The following LRBA variants were observed in gnomAD, a reference collection of about 807,000 sequenced individuals.
LRBA encodes LPS responsive beige-like anchor protein.
LRBA carries 176 observed loss-of-function variants against 330.0 expected under a neutral mutation model. The observed-to-expected ratio is 0.53, with a 90% CI of 0.47 to 0.60. LRBA has a LOEUF of 0.60. LRBA is among the 20% of genes least tolerant of loss of function. The probability of loss-of-function intolerance (pLI) is 0.00; values close to 1 mark genes in which losing one functional copy is unlikely to be tolerated. For missense variants in LRBA, 3,259 were observed against 3,444.8 expected, an observed-to-expected ratio of 0.95 and a Z score of 1.35; for synonymous variants, 1,230 against 1,193.0, an observed-to-expected ratio of 1.03 and a Z score of -0.64.
chr4:150,490,444 G>T (rs1001982054), intron 41 of LRBA, among the ~76,000 whole-genome samples: 1 of 151,768 alleles, frequency 6.6e-6, no homozygotes, highest in Admixed American at 6.6e-5. Context: ...CAACTTTCAA[G>T]AATGATGAAA....
chr4:150,762,842 A>G (rs188876990), intron 34 of LRBA, among the ~76,000 whole-genome samples: 29 of 152,030 alleles, frequency 1.9e-4, no homozygotes, highest in African/African-American at 6.7e-4. Flanking sequence ...TATAAACCAT[A>G]TTCATATTTT....
chr4:150,619,177 C>T (rs1776067279), intron 37 of LRBA, among the ~76,000 whole-genome samples: 1 of 152,116 alleles, frequency 6.6e-6, no homozygotes, highest in Non-Finnish European at 1.5e-5. Context: ...CTTCTCATAT[C>T]AGGATGAAGT....
At chr4:150,975,753 T>C (rs1740092478) in intron 2 of LRBA, among the ~76,000 whole-genome samples, 2 of 151,714 alleles carry the variant, frequency 1.3e-5, no homozygotes, top group Non-Finnish European at 2.9e-5. Context: ...TAAATCAATA[T>C]AAATTATTTA....
chr4:150,505,614 C>T (rs1347979641), intron 40 of LRBA, among the ~76,000 whole-genome samples: 1 of 152,060 alleles, frequency 6.6e-6, no homozygotes, highest in African/African-American at 2.4e-5. Context: ...ACTAAATGCC[C>T]ACAAGAGAAA....
chr4:150,639,765 A>G (rs1050153666), intron 37 of LRBA, among the ~76,000 whole-genome samples: 135 of 5,298 alleles, frequency 0.025, 9 homozygotes, highest in African/African-American at 0.033. Context: ...ATATATATAT[A>G]TATATATATA....
intron 37 of LRBA, among the ~76,000 whole-genome samples, chr4:150,646,581 C>T (rs912867472): frequency 2.0e-5 from 3 of 151,954 alleles, no homozygotes; most frequent in Non-Finnish European, 4.4e-5. Context: ...AAACATTCAC[C>T]ATTTGGGAAG....
chr4:150,311,546 A>C (rs1207673971), intron 51 of LRBA, among the ~76,000 whole-genome samples: 1 of 152,236 alleles, frequency 6.6e-6, no homozygotes, highest in African/African-American at 2.4e-5. Flanking sequence ...GCCACTGGGG[A>C]CACAGAGGAC....
chr4:150,915,765 C>A (rs1732516388), intron 7 of LRBA, 38 bp from the exon 8 acceptor site: 1 of 1,544,978 alleles, frequency 6.5e-7, no homozygotes, highest in Non-Finnish European at 8.7e-7. Context: ...ACAAAGATAA[C>A]AATTATCCCA....
intron 47 of LRBA, among the ~76,000 whole-genome samples, chr4:150,390,793 T>C (rs754524152): frequency 6.6e-6 from 1 of 152,142 alleles, no homozygotes; most frequent in Non-Finnish European, 1.5e-5. Context: ...ACACAGAAAA[T>C]TCTGATAAAA....
At chr4:150,333,419 T>C (rs12644110) in intron 48 of LRBA, among the ~76,000 whole-genome samples, 83,553 of 151,964 alleles carry the variant, frequency 0.55, 24,011 homozygotes, top group Non-Finnish European at 0.65. Flanking sequence ...AGAAAAGATA[T>C]GTCATTTATT....
At chr4:150,755,510 GGTT>G (rs1387793398) in intron 35 of LRBA, among the ~76,000 whole-genome samples, 1 of 152,020 alleles carries the variant, frequency 6.6e-6, no homozygotes, top group African/African-American at 2.4e-5. Flanking sequence ...TATAATTATA[GGTT>G]GTTTTAATTA....
In LRBA at chr4:150,295,160, A is replaced by G. The variant is rs145581667; in HGVS notation, c.8017+7465T>C. Among the ~76,000 whole-genome samples the G allele has an allele frequency of 4.1e-3, 616 of 151,344 alleles. 3 individuals carry two copies. The highest frequency in any genetic ancestry group is 0.013 in the African/African-American group (553 of 41,082). On this transcript the variant is annotated intron_variant, in intron 53 of 56. Transcript: ENST00000651943. Reference sequence around the variant, plus strand: ...TAACAGTGGGGAGTGAAGGTACAGTACAGTAATTTGGTGCATTCCCCAAAT... The same window carrying G: ...TAACAGTGGGGAGTGAAGGTACAGTGCAGTAATTTGGTGCATTCCCCAAAT...
At chr4:150,386,885 G>C (rs1743150809) in intron 47 of LRBA, among the ~76,000 whole-genome samples, 1 of 152,136 alleles carries the variant, frequency 6.6e-6, no homozygotes, top group African/African-American at 2.4e-5. Flanking sequence ...CCTACCAACA[G>C]TGTAAGAGCA....
chr4:150,844,003 A>G, intron 28 of LRBA, 97 bp downstream of exon 28: 1 of 695,582 alleles, frequency 1.4e-6, no homozygotes, highest in Non-Finnish European at 2.4e-6. Flanking sequence ...CTGCTCCACT[A>G]TTTGATATCA....
chr4:150,350,171 T>C lies in LRBA; in HGVS notation c.7195-12A>G, dbSNP rs1428321948. The C allele has an allele frequency of 2.0e-6, 3 of 1,532,780 alleles. No individual in the cohort carries two copies. The highest frequency in any genetic ancestry group is 4.4e-5 in the Admixed American group (2 of 45,462). The allele number at this position is 1,532,780 out of a possible 1,614,324, so 94.9% of individuals were successfully genotyped here. A position where few individuals can be genotyped will look rare whatever the true frequency, so the allele number is the denominator to read the frequency against. Reference sequence around the variant, plus strand: ...TCACTCTCCAGGGCCTGAAAAAAGGTATACATTGTATTACTATGCTGAATT... The same window carrying C: ...TCACTCTCCAGGGCCTGAAAAAAGGCATACATTGTATTACTATGCTGAATT... On this transcript the variant is annotated splice_polypyrimidine_tract_variant and intron_variant, in intron 47 of 56. Coordinates refer to ENST00000651943, the MANE Select transcript of LRBA (RefSeq NM_001364905.1).
chr4:150,721,968 T>C (rs367616703), intron 36 of LRBA, among the ~76,000 whole-genome samples: 16 of 152,166 alleles, frequency 1.1e-4, no homozygotes, highest in African/African-American at 3.6e-4. Context: ...TTAGGGCATG[T>C]CCTTGGTCTG....
chr4:150,949,161 G>T (rs1029758240), intron 2 of LRBA, among the ~76,000 whole-genome samples: 1 of 151,904 alleles, frequency 6.6e-6, no homozygotes, highest in African/African-American at 2.4e-5. Context: ...CAGTAGTTTT[G>T]TTGGTAATAG....
chr4:150,633,984 G>A (rs922786476), intron 37 of LRBA, among the ~76,000 whole-genome samples: 2 of 152,056 alleles, frequency 1.3e-5, no homozygotes, highest in African/African-American at 2.4e-5. Flanking sequence ...GCGTGGTGGC[G>A]GGTGCCTGTA....
At chr4:150,625,123 T>G (rs1776719853) in intron 37 of LRBA, among the ~76,000 whole-genome samples, 2 of 152,074 alleles carry the variant, frequency 1.3e-5, no homozygotes, top group Admixed American at 1.3e-4. Flanking sequence ...TGCTATTACT[T>G]TAGAACAATT....
Sources: allele counts gnomAD v4.1 joint callset (sites outside exome capture counted in the v4.1 genomes callset), GRCh38; gene constraint gnomAD v4.1.1; transcripts MANE v1.5; gene names NCBI Gene and HGNC (gene_info 2026-07-23, HGNC 2026-07-21).